The following HTT variants were observed in gnomAD, a reference collection of about 807,000 sequenced individuals.
HTT encodes huntington disease protein.
HTT carries 104 observed loss-of-function variants against 362.3 expected under a neutral mutation model. That is an observed-to-expected ratio of 0.29 (90% confidence interval 0.24 to 0.34). The LOEUF (loss-of-function observed/expected upper bound fraction) is 0.34, where lower values mean the gene tolerates loss of function less well. Among genes scored for constraint, HTT ranks in the 10% least tolerant of loss-of-function variants. The probability of loss-of-function intolerance (pLI) is 1.00; values close to 1 mark genes in which losing one functional copy is unlikely to be tolerated. For synonymous variants in HTT, 1,577 were observed against 1,548.7 expected (o/e 1.02, Z -0.43); for missense variants, 3,301 against 3,928.6 (o/e 0.84, Z 4.27).
rs1251965655 is a variant in HTT at position 3,242,532 on chromosome 4, G to A, written c.*2473G>A. On this transcript the variant is annotated 3_prime_UTR_variant, in exon 67 of 67. Coordinates refer to ENST00000355072, the MANE Select transcript of HTT (RefSeq NM_001388492.1). ...AGACCCGCCAGGTCAAGTTAGCCGC[G>A]TGACGGACATCCAGGCGTGGGACGT... 6.6e-6 allele frequency: 1 copy of A among 152,188 alleles called. No individual in the cohort carries two copies. Among genetic ancestry groups the A allele is most frequent in the East Asian group, 1.9e-4 (1 of 5,194 alleles). 9.4% of individuals were successfully genotyped at this position (152,188 alleles called of 1,614,324 possible).
intron 57 of HTT, among the ~76,000 whole-genome samples, chr4:3,227,953 A>G (rs1363847880): frequency 2.0e-5 from 3 of 152,154 alleles, no homozygotes; most frequent in Non-Finnish European, 4.4e-5. Context: ...CCTTGGCCTG[A>G]GAGCTGTTCA....
chr4:3,135,954 A>G lies in HTT; in HGVS notation c.2684A>G (p.His895Arg). ...GCAGAAAACTTACACAGAGGGGCTC[A>G]TCATTATACAGGGGTAAGCGGTTTA... Reference protein sequence around the residue: ...AKAENLHRGAHHYTGLLKLQE... With the variant: ...AKAENLHRGARHYTGLLKLQE... The change falls in exon 20 of 67, where the codon CAT (histidine) becomes CGT (arginine). Residue 895 changes from histidine to arginine, a missense_variant. Physicochemically the swap from His to Arg is conservative, Grantham distance 29 (BLOSUM62 0). Coordinates refer to ENST00000355072, the MANE Select transcript of HTT (RefSeq NM_001388492.1). 6.2e-7 allele frequency: 1 copy of G among 1,604,118 alleles called. No homozygotes were observed.
intron 18 of HTT, 51 bp downstream of exon 18, chr4:3,132,962 C>T (rs372573759): frequency 4.6e-6 from 6 of 1,299,826 alleles, no homozygotes; most frequent in Non-Finnish European, 6.7e-6. Flanking sequence ...GACATTTTAT[C>T]ATTGCTACAA....
intron 6 of HTT, among the ~76,000 whole-genome samples, chr4:3,113,487 G>C (rs565263560): frequency 2.2e-4 from 34 of 152,236 alleles, no homozygotes; most frequent in African/African-American, 7.7e-4. Context: ...GTACCACCAT[G>C]CCTGGCTAAT....
chr4:3,178,924 C>T (rs1718370214), intron 35 of HTT, among the ~76,000 whole-genome samples: 1 of 152,188 alleles, frequency 6.6e-6, no homozygotes, highest in Admixed American at 6.5e-5. Flanking sequence ...AAATAAGGAA[C>T]CCAGGAGATG....
chr4:3,074,772 G>C lies in HTT; in HGVS notation c.-54G>C, dbSNP rs1381361391. 1 of 1,496,144 alleles carries C rather than the reference G, an allele frequency of 6.7e-7. No homozygotes were observed. The highest frequency in any genetic ancestry group is 1.4e-5 in the African/African-American group (1 of 69,246). The allele number at this position is 1,496,144 out of a possible 1,614,324, so 92.7% of individuals were successfully genotyped here. A position where few individuals can be genotyped will look rare whatever the true frequency, so the allele number is the denominator to read the frequency against. ...ATTCATTGCCCCGGTGCTGAGCGGC[G>C]CCGCGAGTCGGCCCGAGGCCTCCGG... On this transcript the variant is annotated 5_prime_UTR_variant, in exon 1 of 67. Coordinates refer to ENST00000355072, the MANE Select transcript of HTT (RefSeq NM_001388492.1).
chr4:3,088,137 A>G (rs1713308692), intron 2 of HTT, among the ~76,000 whole-genome samples: 1 of 126,432 alleles, frequency 7.9e-6, no homozygotes, highest in Admixed American at 8.2e-5. Flanking sequence ...GCGCCCGGTG[A>G]TTCATTTGTT....
Position 3,206,878 on chromosome 4 carries a change from G to A in HTT, c.5970G>A (p.Thr1990=), listed in dbSNP as rs748994859. ...IHLSQSGAVL[T]LYVDRLLCTP... Reference sequence around the variant, plus strand: ...TCAGCCAGTCGGGAGCTGTGCTCACGCTGTATGTGGACAGGCTTCTGTGCA... The same window carrying A: ...TCAGCCAGTCGGGAGCTGTGCTCACACTGTATGTGGACAGGCTTCTGTGCA... Residue 1990 remains threonine (T), a synonymous_variant, in exon 44 of 67, where the codon ACG becomes ACA. Coordinates refer to ENST00000355072, the MANE Select transcript of HTT (RefSeq NM_001388492.1). This position sits in a 1 kb window ranked among gnomAD's most constrained non-coding sequence, Gnocchi z 4.6. The A allele has an allele frequency of 8.1e-6, 13 of 1,613,950 alleles. No homozygotes were observed. The highest frequency in any genetic ancestry group is 4.0e-5 in the African/African-American group (3 of 74,920).
chr4:3,176,943 T>C (rs1476787489), intron 33 of HTT, among the ~76,000 whole-genome samples: 1 of 152,188 alleles, frequency 6.6e-6, no homozygotes, highest in African/African-American at 2.4e-5. Flanking sequence ...ACGTGTCGCC[T>C]CTCAGATGGT....
At chr4:3,145,252 T>G in intron 24 of HTT, 24 bp downstream of exon 24, 1 of 1,436,212 alleles carries the variant, frequency 7.0e-7, no homozygotes, top group Non-Finnish European at 9.8e-7. Context: ...TCAGTATATA[T>G]TAATAGTTGT....
At chr4:3,166,649 A>C (rs1717721864) in intron 29 of HTT, among the ~76,000 whole-genome samples, 1 of 152,156 alleles carries the variant, frequency 6.6e-6, no homozygotes, top group Non-Finnish European at 1.5e-5. Context: ...GCAGTGGTGG[A>C]CACCCCTCCC....
At chr4:3,136,990 C>G (rs926459354) in intron 21 of HTT, among the ~76,000 whole-genome samples, 3 of 151,814 alleles carry the variant, frequency 2.0e-5, no homozygotes, top group Non-Finnish European at 4.4e-5. Context: ...TCACTGCAAC[C>G]TCTGTCTCCC....
At chr4:3,238,199 C>T (rs958026778) in intron 64 of HTT, among the ~76,000 whole-genome samples, 12 of 152,258 alleles carry the variant, frequency 7.9e-5, no homozygotes, top group Admixed American at 2.6e-4. Context: ...GGGCCTGTGC[C>T]GAGCAGCCTG....
Position 3,154,381 on chromosome 4 carries a change from T to A in HTT, c.3587T>A (p.Val1196Glu), listed in dbSNP as rs1162910210. 6.2e-7 allele frequency: 1 copy of A among 1,613,988 alleles called. No homozygotes were observed. The highest frequency in any genetic ancestry group is 1.7e-5 in the Admixed American group (1 of 60,006). ...AAAGAACCAGGAGAACAAGCATCTGTACCGTTGAGTCCCAAGAAAGGCAGT... is the reference window on the plus strand; with the variant it reads ...AAAGAACCAGGAGAACAAGCATCTGAACCGTTGAGTCCCAAGAAAGGCAGT... ...KEKEPGEQAS[V>E]PLSPKKGSEA... Residue 1196 changes from valine to glutamate, a missense_variant, in exon 27 of 67, where the codon GTA (valine) becomes GAA (glutamate). This residue lies in a region of HTT where 2,316 missense variants were observed against 2,658.5 expected (regional missense o/e 0.87). Transcript: ENST00000355072.
chr4:3,205,674 C>T (rs978902600), intron 42 of HTT, among the ~76,000 whole-genome samples: 7 of 152,096 alleles, frequency 4.6e-5, no homozygotes, highest in East Asian at 3.8e-4. Context: ...TTCAGATTTT[C>T]GGATTTAGGG....
intron 1 of HTT, among the ~76,000 whole-genome samples, chr4:3,078,967 C>T (rs1034025853): frequency 6.6e-6 from 1 of 152,168 alleles, no homozygotes; most frequent in Non-Finnish European, 1.5e-5. Flanking sequence ...GATCTCCTGA[C>T]CTCGTCATCC....
At chr4:3,084,903 A>G (rs1713121785) in intron 1 of HTT, among the ~76,000 whole-genome samples, 1 of 151,586 alleles carries the variant, frequency 6.6e-6, no homozygotes, top group Non-Finnish European at 1.5e-5. Flanking sequence ...AGTCCCAGCT[A>G]CTTGGGAGGC....
intron 42 of HTT, among the ~76,000 whole-genome samples, chr4:3,204,975 C>A (rs1249571853): frequency 6.6e-6 from 1 of 152,008 alleles, no homozygotes; most frequent in Non-Finnish European, 1.5e-5. Flanking sequence ...AAGGCGAGAC[C>A]CCTGCTCTAA....
chr4:3,086,036 T>C (rs1713191691), intron 1 of HTT, among the ~76,000 whole-genome samples: 1 of 152,256 alleles, frequency 6.6e-6, no homozygotes, highest in Non-Finnish European at 1.5e-5. Context: ...TTGTAGTCAG[T>C]TAACGATTTT....
Sources: allele counts gnomAD v4.1 joint callset (sites outside exome capture counted in the v4.1 genomes callset), GRCh38; gene constraint gnomAD v4.1.1; regional missense constraint gnomAD v4.1.1; non-coding constraint Gnocchi (gnomAD v3.1); transcripts MANE v1.5; gene names NCBI Gene and HGNC (gene_info 2026-07-23, HGNC 2026-07-21).